The following PGLYRP4 variants were observed in gnomAD, a reference collection of about 807,000 sequenced individuals.
PGLYRP4 encodes the protein peptidoglycan recognition protein 4.
A neutral mutation model predicts 41.2 loss-of-function variants in PGLYRP4; 39 were observed. The observed-to-expected ratio is 0.95, with a 90% CI of 0.73 to 1.24. PGLYRP4 has a LOEUF of 1.24. Ranked by LOEUF, PGLYRP4 falls within the 50% of genes most tolerant of loss-of-function variation. The pLI, the probability that PGLYRP4 is intolerant of heterozygous loss-of-function variation, is 0.00. For synonymous variants in PGLYRP4, 202 were observed against 186.8 expected (o/e 1.08, Z -0.66); for missense variants, 467 against 460.7 (o/e 1.01, Z -0.13).
intron 7 of PGLYRP4, among the ~76,000 whole-genome samples, 170 bp from the exon 8 acceptor site, chr1:153,337,469 A>G (rs1660617236): frequency 2.0e-5 from 3 of 152,252 alleles, no homozygotes; most frequent in Admixed American, 2.0e-4. Flanking sequence ...GAGTGCTGGT[A>G]AACTAGCTCA....
chr1:153,337,330 G>T, intron 7 of PGLYRP4, 31 bp from the exon 8 acceptor site: 1 of 1,304,540 alleles, frequency 7.7e-7, no homozygotes, highest in Non-Finnish European at 1.1e-6. Context: ...ATGGAGACCA[G>T]CATGAAATTC....
At chr1:153,332,760 A>G (rs909891813) in intron 8 of PGLYRP4, among the ~76,000 whole-genome samples, 2 of 152,184 alleles carry the variant, frequency 1.3e-5, no homozygotes, top group Non-Finnish European at 2.9e-5. Context: ...ATGGAAATTA[A>G]ACAACCTGCT....
chr1:153,340,049 A>G (rs537149804), intron 7 of PGLYRP4, among the ~76,000 whole-genome samples: 7 of 152,250 alleles, frequency 4.6e-5, no homozygotes, highest in African/African-American at 1.7e-4. Flanking sequence ...ACAAAGCACA[A>G]TCTTTCGATT....
At chr1:153,348,075 T>A (rs1253542999) in intron 1 of PGLYRP4, 97 bp from the exon 2 acceptor site, 1 of 657,406 alleles carries the variant, frequency 1.5e-6, no homozygotes. Flanking sequence ...TCCTCTACCA[T>A]CCTGTGGCCT....
intron 7 of PGLYRP4, among the ~76,000 whole-genome samples, chr1:153,339,911 C>G (rs1054939025): frequency 1.3e-5 from 2 of 152,086 alleles, no homozygotes; most frequent in Non-Finnish European, 2.9e-5. Context: ...ATATCCTTCC[C>G]AAGGAAGTTG....
chr1:153,333,698 T>C (rs1169748138), intron 8 of PGLYRP4, among the ~76,000 whole-genome samples: 2 of 152,140 alleles, frequency 1.3e-5, no homozygotes, highest in Admixed American at 6.5e-5. Context: ...TCCAACAACA[T>C]ATCAAAAAGT....
At chr1:153,334,468 T>TATATATATATTTTTTTATA (rs1275488427) in intron 8 of PGLYRP4, among the ~76,000 whole-genome samples, 1 of 142,530 alleles carries the variant, frequency 7.0e-6, no homozygotes, top group African/African-American at 2.6e-5. Context: ...ATATATTTAT[T>TATATATATATTTTTTTATA]TATATATATT....
At chr1:153,346,294 T>C in intron 2 of PGLYRP4, 103 bp from the exon 3 acceptor site, 1 of 845,272 alleles carries the variant, frequency 1.2e-6, no homozygotes, top group Non-Finnish European at 2.0e-6. Context: ...ACTGCCCCTC[T>C]GCCTCCTCAA....
intron 3 of PGLYRP4, among the ~76,000 whole-genome samples, 193 bp from the exon 4 acceptor site, chr1:153,345,575 G>A (rs186351212): frequency 5.5e-4 from 84 of 152,216 alleles, no homozygotes; most frequent in Middle Eastern, 6.8e-3. Flanking sequence ...ACCTGGCCAG[G>A]GAGCCTAATG....
chr1:153,338,368 C>T (rs1660656930), intron 7 of PGLYRP4, among the ~76,000 whole-genome samples: 1 of 152,208 alleles, frequency 6.6e-6, no homozygotes, highest in Non-Finnish European at 1.5e-5. Context: ...GATGTCACCA[C>T]TCAGTCCTGC....
intron 8 of PGLYRP4, chr1:153,331,746 T>C (rs1377175375): frequency 1.3e-5 from 2 of 152,430 alleles, no homozygotes; most frequent in Admixed American, 1.3e-4. Flanking sequence ...AATAAAGTGT[T>C]TCCTAAAGGA....
rs1661002308 is a variant in PGLYRP4 at position 153,346,170 on chromosome 1, G to A, written c.71C>T (p.Thr24Ile). 9 of 1,613,810 alleles carry A rather than the reference G, an allele frequency of 5.6e-6. No homozygotes were observed. Among genetic ancestry groups the A allele is most frequent in the Admixed American group, 1.7e-5 (1 of 60,008 alleles). The change falls in exon 3 of 9, where the codon ACA becomes ATA. Residue 24 changes from threonine to isoleucine, a missense_variant. Transcript: ENST00000359650. ...QAWGDSSWNK[T>I]QAKQVSEGLQ... The stretch of plus-strand genomic sequence containing the variant: ...CCCCTCTGATACCTGTTTAGCTTGT[G>A]TTTTGTTCCAGGAGGAATCACCTGC...
chr1:153,347,985 G>A lies in PGLYRP4; in HGVS notation c.-46-7C>T. ...GGAGAGTGTGGATGGCAGCCTGAGA[G>A]AGACGCTGACAGTTGTTAACATGAC... On this transcript the variant is annotated splice_polypyrimidine_tract_variant and splice_region_variant and intron_variant, in intron 1 of 8. Coordinates refer to ENST00000359650, the MANE Select transcript of PGLYRP4 (RefSeq NM_020393.4). 1 of 1,430,622 alleles carries A rather than the reference G, an allele frequency of 7.0e-7. No individual in the cohort carries two copies. The highest frequency in any genetic ancestry group is 9.8e-7 in the Non-Finnish European group (1 of 1,018,810). The allele number at this position is 1,430,622 out of a possible 1,614,324, so 88.6% of individuals were successfully genotyped here. A position where few individuals can be genotyped will look rare whatever the true frequency, so the allele number is the denominator to read the frequency against.
At chr1:153,332,416 C>T (rs1460796119) in intron 8 of PGLYRP4, among the ~76,000 whole-genome samples, 1 of 151,954 alleles carries the variant, frequency 6.6e-6, no homozygotes. Context: ...AGATGAATGG[C>T]AATATAATAA....
chr1:153,334,494 C>T (rs919560851), intron 8 of PGLYRP4, among the ~76,000 whole-genome samples: 1 of 70,878 alleles, frequency 1.4e-5, no homozygotes, highest in African/African-American at 4.7e-5. Flanking sequence ...ATATATACAC[C>T]AAGGAGGTGA....
At chr1:153,347,843 C>T (rs1661080367) in intron 2 of PGLYRP4, 41 bp downstream of exon 2, 2 of 1,424,840 alleles carry the variant, frequency 1.4e-6, no homozygotes, top group Non-Finnish European at 2.0e-6. Context: ...TTTAGGATCA[C>T]CCTTCTCGGT....
intron 5 of PGLYRP4, 97 bp from the exon 6 acceptor site, chr1:153,341,876 G>T: frequency 9.0e-7 from 1 of 1,117,254 alleles, no homozygotes; most frequent in Non-Finnish European, 1.3e-6. Context: ...CTGCACAGCT[G>T]ATGGAGAGGA....
intron 4 of PGLYRP4, chr1:153,344,902 T>A: frequency 4.8e-6 from 2 of 415,674 alleles, no homozygotes; most frequent in Non-Finnish European, 9.0e-6. Context: ...ATCTGTAGTG[T>A]GCTGTGCAAG....
chr1:153,342,967 G>C (rs1660858666), intron 5 of PGLYRP4, 123 bp downstream of exon 5: 1 of 573,294 alleles, frequency 1.7e-6, no homozygotes, highest in Non-Finnish European at 3.1e-6. Flanking sequence ...GAGAGAGTGG[G>C]TCTTCAGAGA....
Sources: gnomAD v4.1 joint callset for allele counts (sites outside exome capture counted in the v4.1 genomes callset) on GRCh38, gnomAD v4.1.1 for gene constraint, MANE v1.5 for transcripts, NCBI Gene and HGNC (gene_info 2026-07-23, HGNC 2026-07-21) for gene names.